Variants in DBF4B observed in about 807,000 individuals in gnomAD.
The protein encoded by DBF4B is protein DBF4 homolog B.
DBF4B carries 49 observed loss-of-function variants against 53.4 expected under a neutral mutation model. That is an observed-to-expected ratio of 0.92 (90% CI 0.73 to 1.16). The LOEUF is 1.16. Ranked by LOEUF, DBF4B falls within the 50% of genes most tolerant of loss-of-function variation. DBF4B has a pLI of 0.00. For synonymous variants in DBF4B, 257 were observed against 288.7 expected (o/e 0.89, Z 1.11); for missense variants, 692 against 775.0 (o/e 0.89, Z 1.27).
chr17:44,723,764 A>T (rs962234280), intron 3 of DBF4B, among the ~76,000 whole-genome samples: 1 of 152,062 alleles, frequency 6.6e-6, no homozygotes, highest in Non-Finnish European at 1.5e-5. Flanking sequence ...GTATAAAAAA[A>T]AAAAAATGAT....
At chr17:44,748,844 C>T (rs1214535023) in intron 13 of DBF4B, 14 of 1,292,132 alleles carry the variant, frequency 1.1e-5, no homozygotes, top group Non-Finnish European at 1.4e-5. Flanking sequence ...CTTCCCCTTA[C>T]AGGCCATGAG....
intron 7 of DBF4B, 25 bp downstream of exon 7, chr17:44,734,188 G>A (rs1446828526): frequency 1.9e-6 from 3 of 1,614,092 alleles, no homozygotes; most frequent in South Asian, 2.2e-5. Context: ...TGAACTGAAG[G>A]ACAAATGGAT....
At chr17:44,730,819 A>C in intron 4 of DBF4B, 146 bp from the exon 5 acceptor site, 8 of 790,336 alleles carry the variant, frequency 1.0e-5, no homozygotes, top group Non-Finnish European at 1.6e-5. Flanking sequence ...CTAGGCTCTC[A>C]TTTCTACCAA....
chr17:44,729,193 C>T (rs1974602889), intron 3 of DBF4B, among the ~76,000 whole-genome samples: 2 of 151,436 alleles, frequency 1.3e-5, no homozygotes, highest in Non-Finnish European at 2.9e-5. Flanking sequence ...ATAAAATAAG[C>T]CATTTTAGCC....
Position 44,752,143 on chromosome 17 carries a change from A to G in DBF4B, c.*890A>G, listed in dbSNP as rs145111180. On this transcript the variant is annotated 3_prime_UTR_variant, in exon 14 of 14. Coordinates refer to ENST00000315005, the MANE Select transcript of DBF4B (RefSeq NM_145663.3). Reference sequence around the variant, plus strand: ...GGAATGCAGGAGCTAGCTGCCTCCAACTCACTGTGACCTCAGAAAAATGCC... The same window carrying G: ...GGAATGCAGGAGCTAGCTGCCTCCAGCTCACTGTGACCTCAGAAAAATGCC... 5 of 714,214 alleles carry G rather than the reference A, an allele frequency of 7.0e-6. No homozygotes were observed. The highest frequency in any genetic ancestry group is 1.2e-5 in the Non-Finnish European group (5 of 423,760). 44.2% of individuals were successfully genotyped at this position (714,214 alleles called of 1,614,324 possible). A position where few individuals can be genotyped will look rare whatever the true frequency, so the allele number is the denominator to read the frequency against.
intron 10 of DBF4B, among the ~76,000 whole-genome samples, chr17:44,742,970 G>T (rs1007847092): frequency 1.3e-5 from 2 of 152,206 alleles, no homozygotes; most frequent in Admixed American, 1.3e-4. Context: ...AGGCTCTGTG[G>T]TTTCCATCAG....
In DBF4B at chr17:44,739,485, G is replaced by A. The variant is rs925071049; in HGVS notation, c.713+1061G>A. ...TCTCAGCACCTGCAGACAGTGCTGCGCTGGCTTTGGTGGCCCAAAGGCAAG... is the reference window on the plus strand; with the variant it reads ...TCTCAGCACCTGCAGACAGTGCTGCACTGGCTTTGGTGGCCCAAAGGCAAG... On this transcript the variant is annotated intron_variant, in intron 9 of 13. Coordinates refer to ENST00000315005, the MANE Select transcript of DBF4B (RefSeq NM_145663.3). 2.4e-4 allele frequency among the ~76,000 whole-genome samples: 37 copies of A among 152,318 alleles called. 1 individual carries two copies. Among genetic ancestry groups the A allele is most frequent in the Middle Eastern group, 6.8e-3 (2 of 294 alleles).
At chr17:44,740,354 G>A (rs949399347) in intron 9 of DBF4B, among the ~76,000 whole-genome samples, 21 of 152,060 alleles carry the variant, frequency 1.4e-4, no homozygotes, top group African/African-American at 2.9e-4. Context: ...TGGTGCACCC[G>A]GCAGTTACCT....
rs1447401684 is a variant in DBF4B, at chr17:44,749,100, G to A, written c.1189+635G>A. 4 of 1,289,758 alleles carry A rather than the reference G, an allele frequency of 3.1e-6. No individual in the cohort carries two copies. The South Asian group carries it at 3.7e-5, about 12-fold the overall frequency. 79.9% of individuals were successfully genotyped at this position (1,289,758 alleles called of 1,614,324 possible). On this transcript the variant is annotated intron_variant, in intron 13 of 13. Coordinates refer to ENST00000315005, the MANE Select transcript of DBF4B (RefSeq NM_145663.3). The surrounding 1 kb of genome is among the most constrained non-coding windows in gnomAD (Gnocchi z 4.4). ...CTCCAGGCTGGCCATCAGCTCCCCT[G>A]TACTCAGCTACCAGTGTGCAGCCCT...
chr17:44,739,418 C>A (rs980451209), intron 9 of DBF4B, among the ~76,000 whole-genome samples: 2 of 152,210 alleles, frequency 1.3e-5, no homozygotes, highest in African/African-American at 4.8e-5. Context: ...GCCCTAGGAG[C>A]CTGGCATGCC....
Position 44,730,112 on chromosome 17 carries a change from A to G in DBF4B, c.417+16A>G. 1.2e-6 allele frequency: 2 copies of G among 1,611,674 alleles called. No homozygotes were observed. Among genetic ancestry groups the G allele is most frequent in the Non-Finnish European group, 1.7e-6 (2 of 1,179,648 alleles). On this transcript the variant is annotated intron_variant, in intron 4 of 13. Transcript: ENST00000315005. ...CGTTGACTCGGTAAGAACCTCATGT[A>G]GGAAAGGTATGCTGTGTAAACAAAG...
rs1568188935 is a variant in DBF4B at position 44,738,404 on chromosome 17, C to G, written c.693C>G (p.Leu231=). The part of the protein sequence containing the change: ...RKVARLKAPF[L]KIEDESRKFR... ...TGGCCAGACTGAAGGCCCCGTTCCT[C>G]AAAATCGAAGATGAAAGCAGGTGAG... Residue 231 remains leucine, a synonymous_variant, in exon 9 of 14, where the codon CTC becomes CTG. Coordinates refer to ENST00000315005, the MANE Select transcript of DBF4B (RefSeq NM_145663.3). 9 of 1,613,722 alleles carry G rather than the reference C, an allele frequency of 5.6e-6. No individual in the cohort carries two copies. Among genetic ancestry groups the G allele is most frequent in the Admixed American group, 1.7e-5 (1 of 59,990 alleles).
chr17:44,708,726 G>T lies in DBF4B; in HGVS notation c.-95G>T. On this transcript the variant is annotated 5_prime_UTR_variant, in exon 1 of 14. The change creates a new upstream start codon in the 5' untranslated region. Transcript: ENST00000315005. ...TGCTGTAGCTGCCCTGAGATAACCA[G>T]GACTGTGGAATCGGGAAGAGCTCAT... 1.4e-6 allele frequency: 2 copies of T among 1,460,838 alleles called. No individual in the cohort carries two copies. Among genetic ancestry groups the T allele is most frequent in the Non-Finnish European group, 1.9e-6 (2 of 1,078,362 alleles). The allele number at this position is 1,460,838 out of a possible 1,614,324, so 90.5% of individuals were successfully genotyped here. A position where few individuals can be genotyped will look rare whatever the true frequency, so the allele number is the denominator to read the frequency against.
intron 2 of DBF4B, among the ~76,000 whole-genome samples, chr17:44,714,907 C>T (rs1973198432): frequency 6.6e-6 from 1 of 151,836 alleles, no homozygotes; most frequent in Non-Finnish European, 1.5e-5. Context: ...CAGAGAGGCT[C>T]CCATAGGAAG....
chr17:44,748,839 C>T (rs1287333680), intron 13 of DBF4B: 1 of 1,292,598 alleles, frequency 7.7e-7, no homozygotes, highest in Middle Eastern at 2.1e-4. Context: ...CCTCTCTTCC[C>T]CTTACAGGCC....
rs1039986590 is a variant in DBF4B, at chr17:44,747,038, G to A, written c.831-45G>A. 14 of 1,574,108 alleles carry A rather than the reference G, an allele frequency of 8.9e-6. No homozygotes were observed. The Middle Eastern group carries it at 5.0e-4, about 56-fold the overall frequency. ...TCTAAGTAGTGGCTCCTCCCCCCAA[G>A]GGCCCCAGCAGTAACCACTTTGCCG... is the stretch of plus-strand genomic sequence containing the variant. On this transcript the variant is annotated intron_variant, in intron 10 of 13. Transcript: ENST00000315005.
chr17:44,752,168 C>A lies in DBF4B; in HGVS notation c.*915C>A, dbSNP rs2049289106. ...ACTCACTGTGACCTCAGAAAAATGC[C>A]TTTATTACTCGGGCCTCAGTTTCCT... On this transcript the variant is annotated 3_prime_UTR_variant, in exon 14 of 14. Coordinates refer to ENST00000315005, the MANE Select transcript of DBF4B (RefSeq NM_145663.3). 1.6e-6 allele frequency: 1 copy of A among 622,730 alleles called. No homozygotes were observed. The highest frequency in any genetic ancestry group is 2.8e-6 in the Non-Finnish European group (1 of 356,198). 38.6% of individuals were successfully genotyped at this position (622,730 alleles called of 1,614,324 possible).
At chr17:44,709,808 T>C (rs538963392) in intron 2 of DBF4B, among the ~76,000 whole-genome samples, 2 of 152,132 alleles carry the variant, frequency 1.3e-5, no homozygotes, top group Admixed American at 1.3e-4. Flanking sequence ...AATCCTTAAG[T>C]TAAACACTGC....
At chr17:44,709,419 C>T in intron 2 of DBF4B, 53 bp downstream of exon 2, 2 of 1,597,360 alleles carry the variant, frequency 1.3e-6, no homozygotes, top group Non-Finnish European at 1.7e-6. Context: ...CCCAGGGTCT[C>T]TTGGAGAAGA....
Sources: gnomAD v4.1 joint callset for allele counts (sites outside exome capture counted in the v4.1 genomes callset) on GRCh38, gnomAD v4.1.1 for gene constraint, Gnocchi (gnomAD v3.1) non-coding constraint, MANE v1.5 for transcripts, NCBI Gene and HGNC (gene_info 2026-07-23, HGNC 2026-07-21) for gene names.